FBXL17: variants seen among roughly 807,000 people sequenced by gnomAD.
The protein encoded by FBXL17 is F-box and leucine rich repeat protein 17, also known as F-box/LRR-repeat protein 17.
A neutral mutation model predicts 66.2 loss-of-function variants in FBXL17; 22 were observed. The ratio of observed to expected loss-of-function variants is 0.33; its 90% CI spans 0.24 to 0.47. The LOEUF (loss-of-function observed/expected upper bound fraction) is 0.47, where lower values mean the gene tolerates loss of function less well. FBXL17 is among the 20% of genes least tolerant of loss of function. The pLI is 1.00. For synonymous variants in FBXL17, 474 were observed against 400.5 expected, an observed-to-expected ratio of 1.18 and a Z score of -2.19; for missense variants, 878 against 948.2, an observed-to-expected ratio of 0.93 and a Z score of 0.97.
chr5:108,013,524 T>C (rs1754262436), intron 7 of FBXL17, among the ~76,000 whole-genome samples: 1 of 152,090 alleles, frequency 6.6e-6, no homozygotes. Flanking sequence ...CACAAATCCT[T>C]CCCCAAATAT....
chr5:107,890,764 T>C (rs559898127), intron 7 of FBXL17, among the ~76,000 whole-genome samples: 2 of 152,162 alleles, frequency 1.3e-5, no homozygotes, highest in South Asian at 2.1e-4. Context: ...AAAACATACA[T>C]GTTGTCAGGC....
chr5:107,931,683 T>C (rs988970691), intron 7 of FBXL17, among the ~76,000 whole-genome samples: 3 of 152,178 alleles, frequency 2.0e-5, no homozygotes, highest in African/African-American at 7.2e-5. Flanking sequence ...CTCTAGAATA[T>C]GTTTAATTTC....
At chr5:108,210,456 A>G (rs2966817) in intron 5 of FBXL17, among the ~76,000 whole-genome samples, 45,772 of 152,010 alleles carry the variant, frequency 0.3, 7,170 homozygotes, top group Middle Eastern at 0.38. Flanking sequence ...TTAGTGCTAT[A>G]AACTTCCCTC....
At chr5:108,177,373 C>A (rs1752830852) in intron 6 of FBXL17, among the ~76,000 whole-genome samples, 1 of 152,080 alleles carries the variant, frequency 6.6e-6, no homozygotes, top group Admixed American at 6.6e-5. Flanking sequence ...TTGATATATG[C>A]AGTAAAATAT....
intron 6 of FBXL17, among the ~76,000 whole-genome samples, chr5:108,063,950 C>A (rs895434440): frequency 2.6e-5 from 4 of 152,002 alleles, no homozygotes; most frequent in African/African-American, 9.7e-5. Flanking sequence ...ATGGCAATAA[C>A]AAAGACACAT....
intron 6 of FBXL17, among the ~76,000 whole-genome samples, chr5:108,182,722 G>GT (rs761492327): frequency 6.6e-6 from 1 of 152,098 alleles, no homozygotes; most frequent in Non-Finnish European, 1.5e-5. Flanking sequence ...ATAGCACAAG[G>GT]TTTGAGTACA....
At position 108,032,996 on chromosome 5, in the gene FBXL17, A is replaced by G. The variant is rs113925690; in HGVS notation, c.1746-11995T>C. On this transcript the variant is annotated intron_variant, in intron 6 of 8. Transcript: ENST00000542267. ...AAACCTATACTTAGAGAACGCTACC[A>G]TATCTTCAGCCTGAATTAGAATAAA... 6.6e-5 allele frequency among the ~76,000 whole-genome samples: 10 copies of G among 152,328 alleles called. 2 individuals carry two copies. The highest frequency in any genetic ancestry group is 2.4e-4 in the African/African-American group (10 of 41,572).
chr5:108,371,592 T>C (rs1014752325), intron 1 of FBXL17, among the ~76,000 whole-genome samples: 5 of 152,038 alleles, frequency 3.3e-5, no homozygotes, highest in Admixed American at 2.6e-4. Context: ...TTGGACTTAC[T>C]AGACAAAGAC....
intron 8 of FBXL17, among the ~76,000 whole-genome samples, chr5:107,869,022 T>C (rs946229032): frequency 2.6e-5 from 4 of 152,220 alleles, no homozygotes; most frequent in Non-Finnish European, 5.9e-5. Flanking sequence ...GTGAAGAAGA[T>C]GGACCCCTTT....
chr5:108,273,035 G>C (rs904558065), intron 4 of FBXL17, among the ~76,000 whole-genome samples: 1 of 152,144 alleles, frequency 6.6e-6, no homozygotes, highest in Non-Finnish European at 1.5e-5. Context: ...CATGTCGGTA[G>C]GTTCCGTGAT....
intron 7 of FBXL17, among the ~76,000 whole-genome samples, chr5:107,929,754 T>A (rs1424727272): frequency 6.6e-6 from 1 of 152,144 alleles, no homozygotes; most frequent in Admixed American, 6.6e-5. Context: ...GAGCATCACC[T>A]GTTCCATCTC....
chr5:108,317,877 T>C (rs1158382114), intron 4 of FBXL17, among the ~76,000 whole-genome samples: 3 of 151,674 alleles, frequency 2.0e-5, no homozygotes, highest in East Asian at 3.9e-4. Flanking sequence ...TCATTCACTA[T>C]GTATCTGCAA....
At chr5:108,024,821 GGTTA>G (rs1754734387) in intron 6 of FBXL17, among the ~76,000 whole-genome samples, 1 of 152,088 alleles carries the variant, frequency 6.6e-6, no homozygotes, top group African/African-American at 2.4e-5. Flanking sequence ...GCAACAGAAA[GGTTA>G]CTTTGGTAAG....
chr5:108,095,606 C>A (rs1010417005), intron 6 of FBXL17, among the ~76,000 whole-genome samples: 1 of 151,946 alleles, frequency 6.6e-6, no homozygotes, highest in Non-Finnish European at 1.5e-5. Flanking sequence ...TTTGATTCTT[C>A]AACAAATCTT....
intron 7 of FBXL17, among the ~76,000 whole-genome samples, chr5:107,948,649 G>C (rs893064097): frequency 1.3e-5 from 2 of 152,178 alleles, no homozygotes; most frequent in African/African-American, 2.4e-5. Flanking sequence ...CATGTCAATG[G>C]CTTTTGAATT....
chr5:108,299,151 G>C, intron 4 of FBXL17: 1 of 980,616 alleles, frequency 1.0e-6, no homozygotes, highest in Non-Finnish European at 1.2e-6. Context: ...AATCTGTCAA[G>C]ATTCTATCAA....
At chr5:107,868,784 T>C (rs10040850) in intron 8 of FBXL17, among the ~76,000 whole-genome samples, 43,833 of 152,106 alleles carry the variant, frequency 0.29, 8,512 homozygotes, top group African/African-American at 0.54. Context: ...CCAAATGAAG[T>C]GATATTTCAG....
At chr5:108,024,188 A>T (rs554580225) in intron 6 of FBXL17, among the ~76,000 whole-genome samples, 1 of 152,318 alleles carries the variant, frequency 6.6e-6, no homozygotes, top group South Asian at 2.1e-4. Flanking sequence ...AAAATTTGGA[A>T]AAAGAACTGT....
chr5:108,317,794 T>C (rs1281984733), intron 4 of FBXL17, among the ~76,000 whole-genome samples: 1 of 151,470 alleles, frequency 6.6e-6, no homozygotes, highest in Non-Finnish European at 1.5e-5. Context: ...TGCAGTCAAA[T>C]GGAACAGTAT....
Sources: gnomAD v4.1 joint callset for allele counts (sites outside exome capture counted in the v4.1 genomes callset) on GRCh38, gnomAD v4.1.1 for gene constraint, MANE v1.5 for transcripts, NCBI Gene and HGNC (gene_info 2026-07-23, HGNC 2026-07-21) for gene names.